Variants in SLIT2 observed in about 807,000 individuals in gnomAD.
The protein encoded by SLIT2 is slit guidance ligand 2, also known as slit homolog 2 protein.
In SLIT2, 41 loss-of-function variants were observed where a neutral mutation model predicts 185.7. The observed-to-expected ratio is 0.22, with a 90% CI of 0.17 to 0.29. SLIT2 has a LOEUF of 0.29. Among genes scored for constraint, SLIT2 ranks in the 10% least tolerant of loss-of-function variants. The probability of loss-of-function intolerance (pLI) is 1.00; values close to 1 mark genes in which losing one functional copy is unlikely to be tolerated. For missense variants in SLIT2, 1,571 were observed against 1,909.0 expected, an observed-to-expected ratio of 0.82 and a Z score of 3.30; for synonymous variants, 693 against 680.2, an observed-to-expected ratio of 1.02 and a Z score of -0.29.
intron 4 of SLIT2, among the ~76,000 whole-genome samples, chr4:20,332,324 A>G (rs999832425): frequency 6.6e-6 from 1 of 152,098 alleles, no homozygotes; most frequent in Non-Finnish European, 1.5e-5. Context: ...TTTGGGGAGG[A>G]CTATTTTTCA....
intron 7 of SLIT2, among the ~76,000 whole-genome samples, chr4:20,487,902 T>G (rs896035175): frequency 1.3e-5 from 2 of 152,204 alleles, no homozygotes; most frequent in Non-Finnish European, 2.9e-5. Context: ...TATCCATTAC[T>G]GTTATTGGGT....
intron 4 of SLIT2, among the ~76,000 whole-genome samples, chr4:20,379,074 A>G (rs1043934906): frequency 6.6e-6 from 1 of 152,158 alleles, no homozygotes; most frequent in Non-Finnish European, 1.5e-5. Context: ...GATACTAAAT[A>G]ATGGTAGATG....
intron 29 of SLIT2, among the ~76,000 whole-genome samples, chr4:20,578,939 G>A (rs1398621424): frequency 6.6e-6 from 1 of 152,056 alleles, no homozygotes; most frequent in Non-Finnish European, 1.5e-5. Flanking sequence ...AGGCTTTGAG[G>A]ACTAAATAAG....
At chr4:20,294,665 T>A (rs1194463861) in intron 4 of SLIT2, among the ~76,000 whole-genome samples, 2 of 152,216 alleles carry the variant, frequency 1.3e-5, no homozygotes, top group South Asian at 4.1e-4. Flanking sequence ...CCTTTTAATT[T>A]ACACATGTAA....
chr4:20,549,929 C>G (rs1009673093), intron 24 of SLIT2, among the ~76,000 whole-genome samples: 1 of 151,854 alleles, frequency 6.6e-6, no homozygotes, highest in Non-Finnish European at 1.5e-5. Context: ...AATGAACATC[C>G]TATACATTCC....
At position 20,488,739 on chromosome 4, in the gene SLIT2, A is replaced by G. The variant is rs146960939; in HGVS notation, c.612-80A>G. 196 of 984,008 alleles carry G rather than the reference A, an allele frequency of 2.0e-4. No homozygotes were observed. In the African/African-American group the frequency reaches 2.8e-3, roughly 14 times the overall value. 61.0% of individuals were successfully genotyped at this position (984,008 alleles called of 1,614,324 possible). A position where few individuals can be genotyped will look rare whatever the true frequency, so the allele number is the denominator to read the frequency against. ...AATCTGCTTAGCTTTATCTACTTCTATGTTAAGAAATACAGGTATATATTA... is the reference window on the plus strand; with the variant it reads ...AATCTGCTTAGCTTTATCTACTTCTGTGTTAAGAAATACAGGTATATATTA... On this transcript the variant is annotated intron_variant, in intron 7 of 36. Coordinates refer to ENST00000504154, the MANE Select transcript of SLIT2 (RefSeq NM_004787.4).
At chr4:20,322,722 T>C (rs1005442883) in intron 4 of SLIT2, among the ~76,000 whole-genome samples, 1 of 152,140 alleles carries the variant, frequency 6.6e-6, no homozygotes, top group African/African-American at 2.4e-5. Flanking sequence ...CAAAATAAGC[T>C]CTAGGGAAAG....
intron 9 of SLIT2, among the ~76,000 whole-genome samples, chr4:20,505,916 G>T (rs534660429): frequency 6.6e-6 from 1 of 152,184 alleles, no homozygotes; most frequent in South Asian, 2.1e-4. Context: ...AAAAATTGTA[G>T]AAGTGGAGAC....
chr4:20,377,523 T>G lies in SLIT2; in HGVS notation c.396-90229T>G, dbSNP rs77369007. Among the ~76,000 whole-genome samples the G allele has an allele frequency of 9.3e-4, 141 of 152,286 alleles. 1 individual carries two copies. The highest frequency in any genetic ancestry group is 3.2e-3 in the African/African-American group (131 of 41,558). ...CCATAGAAGACAAATAAAGAGCTGC[T>G]CATACTCCATTTCGAATTGGACCGC... On this transcript the variant is annotated intron_variant, in intron 4 of 36. Coordinates refer to ENST00000504154, the MANE Select transcript of SLIT2 (RefSeq NM_004787.4).
intron 4 of SLIT2, among the ~76,000 whole-genome samples, chr4:20,393,098 T>C (rs1725568403): frequency 6.6e-6 from 1 of 152,018 alleles, no homozygotes; most frequent in African/African-American, 2.4e-5. Flanking sequence ...GACGTCACAA[T>C]GACTACCACA....
chr4:20,530,954 T>C (rs1721749718), intron 16 of SLIT2, among the ~76,000 whole-genome samples: 1 of 147,672 alleles, frequency 6.8e-6, no homozygotes, highest in Admixed American at 6.8e-5. Flanking sequence ...TTAGACCCAC[T>C]GGAATGGCTA....
Position 20,484,907 on chromosome 4 carries a change from A to G in SLIT2, c.540-1293A>G, listed in dbSNP as rs1327274155. Among the ~76,000 whole-genome samples the G allele has an allele frequency of 2.0e-5, 3 of 151,962 alleles. No homozygotes were observed. The highest frequency in any genetic ancestry group is 2.1e-4 in the South Asian group (1 of 4,814). On this transcript the variant is annotated intron_variant, in intron 6 of 36. Transcript: ENST00000504154. This position sits in a 1 kb window ranked among gnomAD's most constrained non-coding sequence, Gnocchi z 4.3. ...ATTCCCCAAATGTCTGCTTTCTTCC[A>G]TCTCTCTTGCCCATCATTGTATATT...
At chr4:20,573,144 G>T in intron 29 of SLIT2, 2 of 701,928 alleles carry the variant, frequency 2.8e-6, no homozygotes, top group South Asian at 3.0e-5. Context: ...CTGCTTCTCT[G>T]TTGTGAACGC....
At chr4:20,516,229 G>A (rs1400715253) in intron 11 of SLIT2, among the ~76,000 whole-genome samples, 1 of 152,120 alleles carries the variant, frequency 6.6e-6, no homozygotes, top group East Asian at 1.9e-4. Context: ...AACGTTCTTG[G>A]CCTTCCTTAT....
At chr4:20,587,728 A>G (rs1727179197) in intron 29 of SLIT2, among the ~76,000 whole-genome samples, 2 of 152,314 alleles carry the variant, frequency 1.3e-5, no homozygotes, top group African/African-American at 2.4e-5. Context: ...AGCAGAGTCC[A>G]TTACATTCAT....
intron 4 of SLIT2, among the ~76,000 whole-genome samples, chr4:20,374,577 C>T (rs1420053398): frequency 6.6e-6 from 1 of 151,922 alleles, no homozygotes; most frequent in Non-Finnish European, 1.5e-5. Flanking sequence ...GATCTCATAG[C>T]CTACTCCTTC....
intron 4 of SLIT2, among the ~76,000 whole-genome samples, chr4:20,419,548 TTG>T (rs1239368730): frequency 6.6e-6 from 1 of 152,100 alleles, no homozygotes; most frequent in Non-Finnish European, 1.5e-5. Flanking sequence ...GATTTTCTCT[TTG>T]CTGCCTGTAT....
intron 6 of SLIT2, among the ~76,000 whole-genome samples, chr4:20,485,080 C>A (rs1281127941): frequency 6.6e-6 from 1 of 152,110 alleles, no homozygotes; most frequent in African/African-American, 2.4e-5. Context: ...GAGGAACTTG[C>A]CTTCTTTAGT....
chr4:20,474,726 C>A (rs1482739844), intron 5 of SLIT2, among the ~76,000 whole-genome samples: 3 of 151,904 alleles, frequency 2.0e-5, no homozygotes, highest in African/African-American at 7.2e-5. Flanking sequence ...TTAAAATAGC[C>A]TGCTAATTGA....
Sources: gnomAD v4.1 joint callset for allele counts (sites outside exome capture counted in the v4.1 genomes callset) on GRCh38, gnomAD v4.1.1 for gene constraint, Gnocchi (gnomAD v3.1) non-coding constraint, MANE v1.5 for transcripts, NCBI Gene and HGNC (gene_info 2026-07-23, HGNC 2026-07-21) for gene names.